Variants in POTEE observed in about 807,000 individuals in gnomAD.
POTEE encodes the protein ANKRD26-like family C member 1A.
In POTEE, 21 loss-of-function variants were observed where a neutral mutation model predicts 74.2. That is an observed-to-expected ratio of 0.28 (90% confidence interval 0.20 to 0.41). POTEE has a LOEUF of 0.41. POTEE is among the 10% of genes least tolerant of loss of function. POTEE has a pLI of 1.00. For synonymous variants in POTEE, 211 were observed against 432.8 expected (o/e 0.49, Z 6.36); for missense variants, 525 against 1,158.6 (o/e 0.45, Z 7.94).
intron 2 of POTEE, among the ~76,000 whole-genome samples, chr2:131,215,882 GTAATTA>G (rs1700433991): frequency 1.5e-5 from 2 of 137,248 alleles, no homozygotes; most frequent in Admixed American, 1.5e-4. Flanking sequence ...ACTTGCCAGA[GTAATTA>G]TACAAGGCAA....
At chr2:131,227,001 T>C in intron 7 of POTEE, 72 bp downstream of exon 7, 1 of 1,567,602 alleles carries the variant, frequency 6.4e-7, no homozygotes, top group Non-Finnish European at 8.7e-7. Flanking sequence ...ATTAAATTAA[T>C]AAGATTAATG....
At chr2:131,225,597 C>T (rs1700759711) in intron 6 of POTEE, among the ~76,000 whole-genome samples, 2 of 145,466 alleles carry the variant, frequency 1.4e-5, no homozygotes, top group Admixed American at 6.9e-5. Flanking sequence ...GATGGGGTCT[C>T]ACTCTGTTTC....
At chr2:131,230,993 C>T (rs1700936316) in intron 9 of POTEE, 87 bp downstream of exon 9, 1 of 1,335,580 alleles carries the variant, frequency 7.5e-7, no homozygotes, top group Non-Finnish European at 1.0e-6. Flanking sequence ...ACAATTTTTC[C>T]ATGGGCTGGG....
In POTEE at chr2:131,238,184, G is replaced by C. The variant is rs1432163879; in HGVS notation, c.1198-10G>C. On this transcript the variant is annotated splice_polypyrimidine_tract_variant and intron_variant, in intron 10 of 17. Coordinates refer to ENST00000683005, the MANE Select transcript of POTEE (RefSeq NM_001083538.3). ...ACAAGCAAATTAACCTTCTGTTTTTGCCTCTGCAGAAAATGTCTCAAGAAC... is the reference window on the plus strand; with the variant it reads ...ACAAGCAAATTAACCTTCTGTTTTTCCCTCTGCAGAAAATGTCTCAAGAAC... The C allele has an allele frequency of 1.2e-6, 2 of 1,604,708 alleles. No homozygotes were observed.
At chr2:131,233,796 G>A (rs1184359653) in intron 9 of POTEE, among the ~76,000 whole-genome samples, 1 of 150,506 alleles carries the variant, frequency 6.6e-6, no homozygotes, top group Admixed American at 6.6e-5. Flanking sequence ...ATAATTGAAT[G>A]AGAAAGGCTT....
At chr2:131,237,132 C>T (rs1461785890) in intron 10 of POTEE, among the ~76,000 whole-genome samples, 1 of 151,786 alleles carries the variant, frequency 6.6e-6, no homozygotes, top group Non-Finnish European at 1.5e-5. Context: ...GGAATAGAGG[C>T]AAAAACAAAT....
At chr2:131,230,322 T>C (rs535793990) in intron 8 of POTEE, among the ~76,000 whole-genome samples, 6,017 of 152,120 alleles carry the variant, frequency 0.04, 420 homozygotes, top group African/African-American at 0.13. Context: ...GAACAAAATA[T>C]GCATTGGGTT....
chr2:131,263,358 T>C lies in POTEE; in HGVS notation c.1903T>C (p.Ser635Pro). Residue 635 changes from serine (S) to proline (P), a missense_variant, in exon 18 of 18, where the codon TCT (serine) becomes CCT (proline). Ser to Pro is a moderately conservative substitution (Grantham distance 74). Transcript: ENST00000683005. ...EVVEKMNSEL[S>P]LSCKKEKDVL... Reference sequence around the variant, plus strand: ...AAAGTTCTCTTTGTTTACTTAGCTTTCTCTTAGTTGTAAGAAAGAAAAAGA... The same window carrying C: ...AAAGTTCTCTTTGTTTACTTAGCTTCCTCTTAGTTGTAAGAAAGAAAAAGA... 1 of 1,610,814 alleles carries C rather than the reference T, an allele frequency of 6.2e-7. No individual in the cohort carries two copies. The highest frequency in any genetic ancestry group is 8.5e-7 in the Non-Finnish European group (1 of 1,179,488).
intron 12 of POTEE, among the ~76,000 whole-genome samples, chr2:131,239,979 TC>T (rs200776149): frequency 0.034 from 4,643 of 136,938 alleles, no homozygotes; most frequent in African/African-American, 0.14. Context: ...GGCCTCCAGC[TC>T]CATCTGTGTT....
In POTEE at chr2:131,212,793, A is replaced by G. The variant is rs544067709; in HGVS notation, c.-189+1610A>G. Among the ~76,000 whole-genome samples, 362 of 149,346 alleles carry G rather than the reference A, an allele frequency of 2.4e-3. 1 individual carries two copies. The highest frequency in any genetic ancestry group is 8.6e-3 in the African/African-American group (349 of 40,488). ...TGGTCAGGCTGGTCTTGAACTCCCG[A>G]CTTCAAGTGATCCACCTGTCTCAGC... On this transcript the variant is annotated intron_variant, in intron 2 of 17. Transcript: ENST00000683005.
Position 131,223,633 on chromosome 2 carries a change from G to A in POTEE, c.559G>A (p.Glu187Lys). 2 of 1,612,182 alleles carry A rather than the reference G, an allele frequency of 1.2e-6. No individual in the cohort carries two copies. The highest frequency in any genetic ancestry group is 2.2e-5 in the East Asian group (1 of 44,834). ...TCTGGCCTCTGCCAATGGGAATTCA[G>A]AAGTAGTAAAACTCCTGCTGGACAG... ...LHLASANGNS[E>K]VVKLLLDRRC... is the part of the protein sequence containing the mutation. The change falls in exon 5 of 18, where the codon GAA becomes AAA. Residue 187 changes from glutamate to lysine, a missense_variant. By Grantham distance (56) the Glu-to-Lys change is moderately conservative. Transcript: ENST00000683005.
At chr2:131,230,263 A>G (rs1162572637) in intron 8 of POTEE, among the ~76,000 whole-genome samples, 2 of 152,202 alleles carry the variant, frequency 1.3e-5, no homozygotes, top group Non-Finnish European at 2.9e-5. Flanking sequence ...CAAAATTAGG[A>G]CTTAATAACA....
chr2:131,237,763 G>A (rs1403885210), intron 10 of POTEE, among the ~76,000 whole-genome samples: 3 of 152,254 alleles, frequency 2.0e-5, no homozygotes, highest in Non-Finnish European at 2.9e-5. Flanking sequence ...GCACTGTAGG[G>A]GCTCACTAGT....
In POTEE at chr2:131,231,643, G is replaced by C. The variant is rs1298315766; in HGVS notation, c.1126+737G>C. ...TATTTACTTTGTTGGAACAAGATGT[G>C]TTCTTCTACCTGCTGGTTAATTGTC... On this transcript the variant is annotated intron_variant, in intron 9 of 17. Coordinates refer to ENST00000683005, the MANE Select transcript of POTEE (RefSeq NM_001083538.3). Among the ~76,000 whole-genome samples, 5 of 152,110 alleles carry C rather than the reference G, an allele frequency of 3.3e-5. No individual in the cohort carries two copies. The East Asian group carries it at 9.7e-4, about 30-fold the overall frequency.
chr2:131,220,969 AAAAAG>A (rs1475532113), intron 4 of POTEE, among the ~76,000 whole-genome samples: 1 of 151,534 alleles, frequency 6.6e-6, no homozygotes. Flanking sequence ...TCAAAAAAAA[AAAAAG>A]AAAAAAAAAA....
chr2:131,237,688 C>T lies in POTEE; in HGVS notation c.1198-506C>T, dbSNP rs1274475593. 1.2e-4 allele frequency among the ~76,000 whole-genome samples: 19 copies of T among 152,060 alleles called. No homozygotes were observed. In the East Asian group the frequency reaches 2.3e-3, roughly 19 times the overall value. On this transcript the variant is annotated intron_variant, in intron 10 of 17. Transcript: ENST00000683005. ...ATCTCTTTCTGTTTGGTGTTGATTTCGGCTCCTAATAATTTAAATGGTGCC... is the reference window on the plus strand; with the variant it reads ...ATCTCTTTCTGTTTGGTGTTGATTTTGGCTCCTAATAATTTAAATGGTGCC...
At position 131,263,979 on chromosome 2, in the gene POTEE, C is replaced by T. The variant is rs1419106355; in HGVS notation, c.2524C>T (p.Leu842=). The T allele has an allele frequency of 3.7e-6, 6 of 1,614,244 alleles. No homozygotes were observed. Among genetic ancestry groups the T allele is most frequent in the Non-Finnish European group, 4.2e-6 (5 of 1,180,052 alleles). ...CGTGGCCATCCAGGCCGTGCCGTCC[C>T]TGTACACCTCTGGCCGTACTACTGG... ...MYVAIQAVPS[L]YTSGRTTGIV... The change falls in exon 18 of 18, where the codon CTG becomes TTG. Residue 842 remains leucine, a synonymous_variant. Coordinates refer to ENST00000683005, the MANE Select transcript of POTEE (RefSeq NM_001083538.3).
intron 1 of POTEE, among the ~76,000 whole-genome samples, chr2:131,210,542 C>T (rs530721941): frequency 6.6e-6 from 1 of 152,102 alleles, no homozygotes; most frequent in South Asian, 2.1e-4. Flanking sequence ...CTTTTCCAGA[C>T]TCCAGAGTTC....
At chr2:131,228,461 G>T in intron 8 of POTEE, 80 bp downstream of exon 8, 1 of 1,588,170 alleles carries the variant, frequency 6.3e-7, no homozygotes, top group African/African-American at 1.4e-5. Flanking sequence ...CACATATCAG[G>T]TGAGATGTCA....
Sources: allele counts gnomAD v4.1 joint callset (sites outside exome capture counted in the v4.1 genomes callset), GRCh38; gene constraint gnomAD v4.1.1; transcripts MANE v1.5; gene names NCBI Gene and HGNC (gene_info 2026-07-23, HGNC 2026-07-21).